The following SMARCD3 variants were observed in gnomAD, a reference collection of about 807,000 sequenced individuals.
SMARCD3 encodes SWI/SNF-related matrix-associated actin-dependent regulator of chromatin subfamily D member 3.
SMARCD3 carries 14 observed loss-of-function variants against 58.0 expected under a neutral mutation model. That is an observed-to-expected ratio of 0.24 (90% CI 0.16 to 0.38). The LOEUF (loss-of-function observed/expected upper bound fraction) is 0.38, where lower values mean the gene tolerates loss of function less well. SMARCD3 is among the 10% of genes least tolerant of loss of function. SMARCD3 has a pLI of 1.00. For missense variants in SMARCD3, 408 were observed against 636.9 expected (o/e 0.64, Z 3.87); for synonymous variants, 253 against 253.8 (o/e 1.00, Z 0.03).
intron 2 of SMARCD3, among the ~76,000 whole-genome samples, chr7:151,265,081 T>C (rs1159742416): frequency 1.3e-5 from 2 of 152,222 alleles, no homozygotes; most frequent in Non-Finnish European, 2.9e-5. Context: ...TGAAGGCACC[T>C]GTCAGAGTCC....
chr7:151,246,861 G>A lies in SMARCD3; in HGVS notation c.79-1190C>T, dbSNP rs1018719701. Among the ~76,000 whole-genome samples, 6 of 152,106 alleles carry A rather than the reference G, an allele frequency of 3.9e-5. No individual in the cohort carries two copies. The highest frequency in any genetic ancestry group is 1.4e-4 in the African/African-American group (6 of 41,400). On this transcript the variant is annotated intron_variant, in intron 1 of 12. Transcript: ENST00000262188. This position sits in a 1 kb window ranked among gnomAD's most constrained non-coding sequence, Gnocchi z 4.4. The stretch of plus-strand genomic sequence containing the variant: ...ATGGGGACTGGGACCACGAAAGCAG[G>A]AAGAAGATCAGAGGGCAGGGGATGC...
upstream of SMARCD3, among the ~76,000 whole-genome samples, chr7:151,249,649 G>C (rs1803445268): frequency 6.6e-6 from 1 of 151,900 alleles, no homozygotes; most frequent in African/African-American, 2.4e-5. This position sits in a 1 kb window ranked among gnomAD's most constrained non-coding sequence, Gnocchi z 4.8. Context: ...GGTTTCCTTG[G>C]GGTGGGGGTG....
rs557421314 is a variant in SMARCD3 at position 151,243,592 on chromosome 7, G to A, written c.333+67C>T. Reference sequence around the variant, plus strand: ...GTGATGCTGAAGCTCTGCTTCTGAGGGGGGAGGGGAGGGCGGAGCAGCAAA... The same window carrying A: ...GTGATGCTGAAGCTCTGCTTCTGAGAGGGGAGGGGAGGGCGGAGCAGCAAA... On this transcript the variant is annotated intron_variant, in intron 3 of 12. Coordinates refer to ENST00000262188, the MANE Select transcript of SMARCD3 (RefSeq NM_001003801.2). The surrounding 1 kb of genome is among the most constrained non-coding windows in gnomAD (Gnocchi z 4.4). 3.5e-6 allele frequency: 3 copies of A among 864,206 alleles called. No individual in the cohort carries two copies. The highest frequency in any genetic ancestry group is 2.5e-5 in the East Asian group (1 of 40,668). The allele number at this position is 864,206 out of a possible 1,614,324, so 53.5% of individuals were successfully genotyped here. A position where few individuals can be genotyped will look rare whatever the true frequency, so the allele number is the denominator to read the frequency against.
intron 2 of SMARCD3, chr7:151,275,062 C>T (rs1795300345): frequency 4.5e-6 from 7 of 1,552,694 alleles, no homozygotes; most frequent in Non-Finnish European, 5.3e-6. Flanking sequence ...GCCGACTCGC[C>T]ATGGGGCCCC....
In SMARCD3 at chr7:151,241,836, G is replaced by T; in HGVS notation, c.777+41C>A. 6.5e-7 allele frequency: 1 copy of T among 1,540,886 alleles called. No homozygotes were observed. Among genetic ancestry groups the T allele is most frequent in the Non-Finnish European group, 8.9e-7 (1 of 1,123,440 alleles). ...TTTGGGACCTAGCCCTGCCCTGAGG[G>T]CCTTGTGTGGCGTGTACGGGGCAGC... is the stretch of plus-strand genomic sequence containing the variant. On this transcript the variant is annotated intron_variant, in intron 7 of 12. Transcript: ENST00000262188. The surrounding 1 kb of genome is among the most constrained non-coding windows in gnomAD (Gnocchi z 5.3).
At chr7:151,257,883 T>C (rs1198185810) in intron 2 of SMARCD3, among the ~76,000 whole-genome samples, 1 of 152,098 alleles carries the variant, frequency 6.6e-6, no homozygotes, top group African/African-American at 2.4e-5. Flanking sequence ...CAGCTCCCAG[T>C]TTCCTCCAGC....
upstream of SMARCD3, among the ~76,000 whole-genome samples, chr7:151,251,529 G>A (rs576751689): frequency 1.3e-5 from 2 of 152,152 alleles, no homozygotes; most frequent in South Asian, 2.1e-4. Context: ...TGGGGGCCCG[G>A]GCCAGGGCTC....
rs548801461 is a variant in SMARCD3 at position 151,244,513 on chromosome 7, C to T, written c.291-812G>A. On this transcript the variant is annotated intron_variant, in intron 2 of 12. Transcript: ENST00000262188. ...CGTGTGGTGTTCTCAAGCACTGCCCCCTCCCTATGCAGAAATCTAAGGCTA... is the reference window on the plus strand; with the variant it reads ...CGTGTGGTGTTCTCAAGCACTGCCCTCTCCCTATGCAGAAATCTAAGGCTA... 4.3e-4 allele frequency among the ~76,000 whole-genome samples: 65 copies of T among 152,178 alleles called. 1 individual carries two copies. The South Asian group carries it at 0.014, about 32-fold the overall frequency.
chr7:151,242,614 A>G lies in SMARCD3; in HGVS notation c.457-11T>C. 1.9e-6 allele frequency: 3 copies of G among 1,612,920 alleles called. No individual in the cohort carries two copies. The highest frequency in any genetic ancestry group is 2.5e-6 in the Non-Finnish European group (3 of 1,178,938). On this transcript the variant is annotated splice_polypyrimidine_tract_variant and intron_variant, in intron 4 of 12. Coordinates refer to ENST00000262188, the MANE Select transcript of SMARCD3 (RefSeq NM_001003801.2). The surrounding 1 kb of genome is among the most constrained non-coding windows in gnomAD (Gnocchi z 4.7). The stretch of plus-strand genomic sequence containing the variant: ...CAGCTTCCGCTTTTGCTGTAGAAAT[A>G]GAGTGCAGAACCGGGCGAATGCTGT...
intron 2 of SMARCD3, among the ~76,000 whole-genome samples, chr7:151,263,366 A>C (rs1001172453): frequency 1.3e-5 from 2 of 152,018 alleles, no homozygotes; most frequent in Non-Finnish European, 2.9e-5. Flanking sequence ...GGGGAGAGAG[A>C]GGCAGGATGT....
intron 2 of SMARCD3, among the ~76,000 whole-genome samples, chr7:151,266,943 C>T (rs954562061): frequency 3.3e-5 from 5 of 152,140 alleles, no homozygotes; most frequent in African/African-American, 9.7e-5. Context: ...GAACTTTTGG[C>T]GTGAAGCGAG....
exon 2 of SMARCD3, chr7:151,275,232 C>G: frequency 8.3e-7 from 1 of 1,203,846 alleles, no homozygotes. Context: ...GCCTGCAGCA[C>G]CAAGGGCCAT....
intron 1 of SMARCD3, chr7:151,275,308 G>A: frequency 1.5e-6 from 1 of 685,850 alleles, no homozygotes; most frequent in Non-Finnish European, 2.6e-6. Context: ...GCCTCGGGAA[G>A]CTGCGAAGAA....
In SMARCD3 at chr7:151,245,615, G is replaced by A; in HGVS notation, c.135C>T (p.Pro45=). The stretch of plus-strand genomic sequence containing the variant: ...GGCTGCCCATGTACGGGGAGCCCGG[G>A]GGGCCCATGGGCGCCCCCTGGTGGG... ...RMPHQGAPMG[P]PGSPYMGSPA... Residue 45 remains proline (P), a synonymous_variant, in exon 2 of 13, where the codon CCC becomes CCT. Transcript: ENST00000262188. The surrounding 1 kb of genome is among the most constrained non-coding windows in gnomAD (Gnocchi z 6.2). 5.9e-6 allele frequency: 7 copies of A among 1,184,754 alleles called. No homozygotes were observed. Among genetic ancestry groups the A allele is most frequent in the East Asian group, 3.2e-5 (1 of 31,394 alleles). The allele number at this position is 1,184,754 out of a possible 1,614,324, so 73.4% of individuals were successfully genotyped here. A position where few individuals can be genotyped will look rare whatever the true frequency, so the allele number is the denominator to read the frequency against.
intron 2 of SMARCD3, among the ~76,000 whole-genome samples, chr7:151,253,748 G>A (rs529759655): frequency 1.3e-5 from 2 of 152,328 alleles, no homozygotes; most frequent in East Asian, 1.9e-4. Context: ...ATTTCTGCAC[G>A]GACAGGGCTG....
At position 151,248,564 on chromosome 7, in the gene SMARCD3, G is replaced by A; in HGVS notation, c.-2C>T. 1.2e-6 allele frequency: 2 copies of A among 1,613,730 alleles called. No homozygotes were observed. Among genetic ancestry groups the A allele is most frequent in the Non-Finnish European group, 8.5e-7 (1 of 1,179,754 alleles). Reference sequence around the variant, plus strand: ...TCCGGCAACTTCGTCCGCGGCCATCGGGGTGGGCTCAGCGGCTCCTCTCAC... The same window carrying A: ...TCCGGCAACTTCGTCCGCGGCCATCAGGGTGGGCTCAGCGGCTCCTCTCAC... On this transcript the variant is annotated 5_prime_UTR_variant, in exon 1 of 13. Transcript: ENST00000262188. This position sits in a 1 kb window ranked among gnomAD's most constrained non-coding sequence, Gnocchi z 6.1.
rs143447271 is a variant in SMARCD3 at position 151,238,838 on chromosome 7, G to A, written c.*265C>T. ...TTCTGCCAAACTGTTTTTAGGTCTA[G>A]GGAAAATTGAGTAAGGAGAAGAATC... On this transcript the variant is annotated 3_prime_UTR_variant, in exon 13 of 13. Transcript: ENST00000262188. 235 of 1,505,796 alleles carry A rather than the reference G, an allele frequency of 1.6e-4. 3 individuals are homozygous for A. The African/African-American group carries it at 2.7e-3, about 17-fold the overall frequency. 93.3% of individuals were successfully genotyped at this position (1,505,796 alleles called of 1,614,324 possible). A position where few individuals can be genotyped will look rare whatever the true frequency, so the allele number is the denominator to read the frequency against.
At chr7:151,277,126 G>C (rs917396823), upstream of SMARCD3, 1 of 150,802 alleles carries the variant, frequency 6.6e-6, no homozygotes, top group Non-Finnish European at 1.5e-5. Flanking sequence ...CTCCCTGCTC[G>C]GCGCTCGGCT....
In SMARCD3 at chr7:151,239,555, TACA is replaced by T. The variant is rs896623683; in HGVS notation, c.1297-61_1297-59del. 16 of 1,610,218 alleles carry T rather than the reference TACA, an allele frequency of 9.9e-6. No individual in the cohort carries two copies. Among genetic ancestry groups the T allele is most frequent in the African/African-American group, 8.0e-5 (6 of 74,740 alleles). On this transcript the variant is annotated intron_variant, in intron 11 of 12. Coordinates refer to ENST00000262188, the MANE Select transcript of SMARCD3 (RefSeq NM_001003801.2). This position sits in a 1 kb window ranked among gnomAD's most constrained non-coding sequence, Gnocchi z 7.0. The stretch of plus-strand genomic sequence containing the variant: ...TGAATCCCCTCACCTGCCCCTGGAG[TACA>T]ACGTTTACTCTCTTTCCCGCTGTGC...
Sources: gnomAD v4.1 joint callset for allele counts (sites outside exome capture counted in the v4.1 genomes callset) on GRCh38, gnomAD v4.1.1 for gene constraint, Gnocchi (gnomAD v3.1) non-coding constraint, MANE v1.5 for transcripts, NCBI Gene and HGNC (gene_info 2026-07-23, HGNC 2026-07-21) for gene names.